NDUFAF5: variants seen among roughly 807,000 people sequenced by gnomAD.
The protein encoded by NDUFAF5 is NADH:ubiquinone oxidoreductase complex assembly factor 5.
In NDUFAF5, 34 loss-of-function variants were observed where a neutral mutation model predicts 48.9. The observed-to-expected ratio is 0.70, with a 90% CI of 0.53 to 0.93. The LOEUF (loss-of-function observed/expected upper bound fraction) is 0.93. Among genes scored for constraint, NDUFAF5 ranks in the 40% least tolerant of loss-of-function variants. The pLI is 0.00. For missense variants in NDUFAF5, 428 were observed against 427.5 expected (o/e 1.00, Z -0.01); for synonymous variants, 153 against 150.6 (o/e 1.02, Z -0.12).
intron 8 of NDUFAF5, among the ~76,000 whole-genome samples, chr20:13,812,683 A>G (rs879418546): frequency 6.6e-6 from 1 of 152,176 alleles, no homozygotes; most frequent in Non-Finnish European, 1.5e-5. Flanking sequence ...GAGCAAATTG[A>G]GGCATCGAGA....
intron 5 of NDUFAF5, among the ~76,000 whole-genome samples, chr20:13,796,339 A>G (rs1474952682): frequency 2.0e-5 from 3 of 152,232 alleles, no homozygotes; most frequent in African/African-American, 4.8e-5. Context: ...GCCTTGGTCT[A>G]TAAAGAACCC....
At chr20:13,808,933 A>C in intron 8 of NDUFAF5, 31 bp downstream of exon 8, 1 of 1,471,984 alleles carries the variant, frequency 6.8e-7, no homozygotes, top group Non-Finnish European at 9.5e-7. Context: ...TTTAGACTCC[A>C]TTGGGAAAGG....
intron 4 of NDUFAF5, among the ~76,000 whole-genome samples, chr20:13,793,520 C>A (rs901199843): frequency 6.6e-6 from 1 of 152,040 alleles, no homozygotes; most frequent in East Asian, 1.9e-4. Context: ...ATGTTATTTA[C>A]GGCACATCAT....
chr20:13,791,136 A>G (rs1330096098), intron 3 of NDUFAF5, among the ~76,000 whole-genome samples: 2 of 152,210 alleles, frequency 1.3e-5, no homozygotes, highest in Non-Finnish European at 2.9e-5. Context: ...GCACGGGATC[A>G]TTCCTGTTTT....
At chr20:13,816,754 T>C (rs1360885351) in intron 9 of NDUFAF5, 121 bp from the exon 10 acceptor site, 2 of 778,288 alleles carry the variant, frequency 2.6e-6, no homozygotes, top group East Asian at 2.6e-5. Flanking sequence ...TCATGTAAGA[T>C]GTTCTCAGAA....
chr20:13,788,498 T>C, intron 2 of NDUFAF5, 91 bp from the exon 3 acceptor site: 1 of 984,632 alleles, frequency 1.0e-6, no homozygotes. Flanking sequence ...GGAAGTTGTG[T>C]TTACTGGAAT....
At chr20:13,792,960 G>T (rs373797766) in intron 3 of NDUFAF5, among the ~76,000 whole-genome samples, 1 of 152,190 alleles carries the variant, frequency 6.6e-6, no homozygotes, top group African/African-American at 2.4e-5. Context: ...AATTCGGAAT[G>T]TTGAATACGC....
At chr20:13,789,052 A>T (rs1385590546) in intron 3 of NDUFAF5, among the ~76,000 whole-genome samples, 1 of 152,254 alleles carries the variant, frequency 6.6e-6, no homozygotes, top group East Asian at 1.9e-4. Context: ...AAGTAGCTTT[A>T]TTAATGCTTA....
At chr20:13,812,971 A>G (rs571148891) in intron 8 of NDUFAF5, 1 of 152,248 alleles carries the variant, frequency 6.6e-6, no homozygotes, top group African/African-American at 2.4e-5. Flanking sequence ...TGTTTTTCAG[A>G]TGGAGTCTCA....
chr20:13,790,554 T>C (rs1982114223), intron 3 of NDUFAF5, among the ~76,000 whole-genome samples: 1 of 152,228 alleles, frequency 6.6e-6, no homozygotes, highest in Admixed American at 6.5e-5. Flanking sequence ...CCTGACAGTC[T>C]GTTGTCATGG....
chr20:13,800,171 G>A (rs1236196777), intron 6 of NDUFAF5, among the ~76,000 whole-genome samples: 1 of 152,102 alleles, frequency 6.6e-6, no homozygotes. Context: ...TGGTCATTGT[G>A]AAATCATGGA....
chr20:13,806,820 G>A (rs911442864), intron 7 of NDUFAF5, among the ~76,000 whole-genome samples: 6 of 152,154 alleles, frequency 3.9e-5, no homozygotes, highest in Admixed American at 1.3e-4. Context: ...CCTGATACAC[G>A]TATATGTTTT....
rs2147635192 is a variant in NDUFAF5 at position 13,817,800 on chromosome 20, TGCACA to T, written c.*592_*596del. ...AAGTAGAATCACATGTAACAGTCTC[TGCACA>T]GTCATCAGTTTATTGTTAAGCTTTC... On this transcript the variant is annotated 3_prime_UTR_variant, in exon 11 of 11. Transcript: ENST00000378106. The T allele has an allele frequency of 2.3e-6, 1 of 438,626 alleles. No homozygotes were observed. Among genetic ancestry groups the T allele is most frequent in the Non-Finnish European group, 4.6e-6 (1 of 217,370 alleles). 27.2% of individuals were successfully genotyped at this position (438,626 alleles called of 1,614,324 possible). A position where few individuals can be genotyped will look rare whatever the true frequency, so the allele number is the denominator to read the frequency against.
At chr20:13,788,777 GT>G (rs546259187) in intron 3 of NDUFAF5, 125 bp downstream of exon 3, 8,496 of 468,960 alleles carry the variant, frequency 0.018, no homozygotes, top group Middle Eastern at 0.027. Context: ...TTGTTAATTT[GT>G]TTTTTTTTTT....
intron 8 of NDUFAF5, chr20:13,814,398 C>T: frequency 1.2e-5 from 14 of 1,205,092 alleles, no homozygotes; most frequent in Non-Finnish European, 1.4e-5. Flanking sequence ...CTCATTTAAG[C>T]TGCTATTATT....
chr20:13,813,426 A>G (rs762957597), intron 8 of NDUFAF5, among the ~76,000 whole-genome samples: 4 of 152,228 alleles, frequency 2.6e-5, no homozygotes, highest in Non-Finnish European at 5.9e-5. Context: ...ATTTAACAAA[A>G]TAGATATAAT....
chr20:13,785,352 C>A, intron 1 of NDUFAF5, 62 bp downstream of exon 1: 1 of 1,394,562 alleles, frequency 7.2e-7, no homozygotes, highest in Non-Finnish European at 9.9e-7. Flanking sequence ...TTCCTCTCCG[C>A]TAGTTCCGGC....
intron 4 of NDUFAF5, among the ~76,000 whole-genome samples, chr20:13,793,462 G>GC (rs1337819196): frequency 1.3e-5 from 2 of 151,434 alleles, no homozygotes; most frequent in East Asian, 1.9e-4. Context: ...AACTGTCCCC[G>GC]CCCCCCCAAC....
rs1248035831 is a variant in NDUFAF5, at chr20:13,794,788, T to C, written c.376-50T>C. Reference sequence around the variant, plus strand: ...TAACAAACAGTGATTGTGTTAGTAATTGAGATTCTACATAAATGTGATTTT... The same window carrying C: ...TAACAAACAGTGATTGTGTTAGTAACTGAGATTCTACATAAATGTGATTTT... On this transcript the variant is annotated intron_variant, in intron 4 of 10. Coordinates refer to ENST00000378106, the MANE Select transcript of NDUFAF5 (RefSeq NM_024120.5). 5.5e-6 allele frequency: 6 copies of C among 1,094,656 alleles called. No homozygotes were observed. The South Asian group carries it at 7.8e-5, about 14-fold the overall frequency. The allele number at this position is 1,094,656 out of a possible 1,614,324, so 67.8% of individuals were successfully genotyped here.
Sources: allele counts gnomAD v4.1 joint callset (sites outside exome capture counted in the v4.1 genomes callset), GRCh38; gene constraint gnomAD v4.1.1; transcripts MANE v1.5; gene names NCBI Gene and HGNC (gene_info 2026-07-23, HGNC 2026-07-21).